BAZ1A: variants seen among roughly 807,000 people sequenced by gnomAD.
BAZ1A encodes the protein bromodomain adjacent to zinc finger domain 1A.
In BAZ1A, 50 loss-of-function variants were observed where a neutral mutation model predicts 185.2. The ratio of observed to expected loss-of-function variants is 0.27; its 90% CI spans 0.22 to 0.34. The LOEUF is 0.34. Among genes scored for constraint, BAZ1A ranks in the 10% least tolerant of loss-of-function variants. The pLI is 1.00. For missense variants in BAZ1A, 1,356 were observed against 1,839.9 expected, an observed-to-expected ratio of 0.74 and a Z score of 4.81; for synonymous variants, 571 against 615.6, an observed-to-expected ratio of 0.93 and a Z score of 1.07.
intron 3 of BAZ1A, among the ~76,000 whole-genome samples, chr14:34,849,361 G>C (rs1023113193): frequency 7.9e-5 from 12 of 152,178 alleles, no homozygotes; most frequent in African/African-American, 2.9e-4. Flanking sequence ...CCATTACTAA[G>C]TGAAAAAGCT....
chr14:34,788,105 G>A lies in BAZ1A; in HGVS notation c.1511-1884C>T, dbSNP rs192005972. ...GCAGTCTTGGCTCACTGCAACCTCC[G>A]CCTCCCAGGTTTAAGCAATTCTCTG... On this transcript the variant is annotated intron_variant, in intron 12 of 26. Coordinates refer to ENST00000360310, the MANE Select transcript of BAZ1A (RefSeq NM_013448.3). Among the ~76,000 whole-genome samples the A allele has an allele frequency of 4.9e-3, 736 of 151,282 alleles. 8 individuals are homozygous for A. Among genetic ancestry groups the A allele is most frequent in the African/African-American group, 0.017 (702 of 41,242 alleles).
At chr14:34,758,909 A>G in intron 24 of BAZ1A, 63 bp from the exon 25 acceptor site, 1 of 1,511,798 alleles carries the variant, frequency 6.6e-7, no homozygotes, top group Non-Finnish European at 9.1e-7. Flanking sequence ...ACTACACGCC[A>G]AACTGGATAT....
chr14:34,792,994 C>T (rs991787788), intron 11 of BAZ1A, 73 bp from the exon 12 acceptor site: 2 of 1,373,660 alleles, frequency 1.5e-6, no homozygotes, highest in South Asian at 2.7e-5. Flanking sequence ...CTGGAATAAA[C>T]ATGTAATCAA....
intron 2 of BAZ1A, among the ~76,000 whole-genome samples, chr14:34,873,094 G>C (rs1232110331): frequency 3.9e-5 from 6 of 152,088 alleles, no homozygotes; most frequent in African/African-American, 1.4e-4. Context: ...GATATAACAT[G>C]TTTAACGTGT....
Position 34,765,063 on chromosome 14 carries a change from A to G in BAZ1A, c.3507T>C (p.Cys1169=). Reference sequence around the variant, plus strand: ...CACAGTAGGTATGATGACCCCTATCACAGCCATCACAAAGAACCATGTTTT... The same window carrying G: ...CACAGTAGGTATGATGACCCCTATCGCAGCCATCACAAAGAACCATGTTTT... ...DAENMVLCDG[C]DRGHHTYCVR... is the part of the protein sequence containing the mutation. Residue 1169 remains cysteine (C), a synonymous_variant, in exon 22 of 27, where the codon TGT becomes TGC. Transcript: ENST00000360310. The G allele has an allele frequency of 1.2e-6, 2 of 1,614,204 alleles. No individual in the cohort carries two copies. The highest frequency in any genetic ancestry group is 2.7e-5 in the African/African-American group (2 of 75,064).
chr14:34,856,296 T>A, intron 3 of BAZ1A, among the ~76,000 whole-genome samples: 1 of 150,048 alleles, frequency 6.7e-6, no homozygotes. Flanking sequence ...CATCTTTTTT[T>A]TTTTTTTTTT....
intron 3 of BAZ1A, among the ~76,000 whole-genome samples, chr14:34,828,989 A>AC (rs113506434): frequency 5.3e-5 from 8 of 152,304 alleles, no homozygotes; most frequent in Admixed American, 2.0e-4. Context: ...TCTTGTAAAG[A>AC]CCATTTGCAC....
In BAZ1A at chr14:34,875,259, C is replaced by A. The variant is rs1594928114; in HGVS notation, c.-180G>T. 1 of 454,884 alleles carries A rather than the reference C, an allele frequency of 2.2e-6. No individual in the cohort carries two copies. The highest frequency in any genetic ancestry group is 4.4e-6 in the Non-Finnish European group (1 of 226,364). The allele number at this position is 454,884 out of a possible 1,614,324, so 28.2% of individuals were successfully genotyped here. The stretch of plus-strand genomic sequence containing the variant: ...GCCGCGCCCCTGGCTGCCGCTTCTC[C>A]CGCTGCCACTGCCCGACTCCGCGCG... On this transcript the variant is annotated 5_prime_UTR_variant, in exon 1 of 27. Transcript: ENST00000360310.
chr14:34,772,869 A>C (rs564608749), intron 20 of BAZ1A, among the ~76,000 whole-genome samples: 146 of 152,284 alleles, frequency 9.6e-4, no homozygotes, highest in African/African-American at 3.4e-3. Flanking sequence ...CTCTACTAAA[A>C]ATACAAAAAT....
chr14:34,866,868 A>T (rs1349984546), intron 2 of BAZ1A, among the ~76,000 whole-genome samples: 1 of 152,138 alleles, frequency 6.6e-6, no homozygotes, highest in Non-Finnish European at 1.5e-5. Flanking sequence ...TAAAAATTTT[A>T]AAATAAAAAT....
intron 3 of BAZ1A, among the ~76,000 whole-genome samples, chr14:34,840,451 C>T (rs2042395563): frequency 1.3e-5 from 2 of 152,058 alleles, no homozygotes. Context: ...TTATTATATG[C>T]ACAACTACCT....
At chr14:34,824,394 A>AAAAAAAAAAAC in intron 4 of BAZ1A, among the ~76,000 whole-genome samples, 1 of 120,674 alleles carries the variant, frequency 8.3e-6, no homozygotes, top group Non-Finnish European at 1.7e-5. Flanking sequence ...AAAAAAAAAA[A>AAAAAAAAAAAC]AAAAGCAGCA....
intron 9 of BAZ1A, among the ~76,000 whole-genome samples, chr14:34,799,811 C>T (rs138333119): frequency 2.2e-4 from 33 of 152,150 alleles, no homozygotes; most frequent in South Asian, 1.7e-3. Context: ...GGGGTTTCAC[C>T]GTCCTGGCCA....
chr14:34,779,058 A>G (rs1023646792), intron 17 of BAZ1A, among the ~76,000 whole-genome samples: 3 of 151,974 alleles, frequency 2.0e-5, no homozygotes, highest in Non-Finnish European at 4.4e-5. Context: ...GGGTTTCACC[A>G]AGGCTGATTT....
rs774948128 is a variant in BAZ1A at position 34,783,227 on chromosome 14, C to T, written c.2003G>A (p.Arg668His). 2 of 1,575,400 alleles carry T rather than the reference C, an allele frequency of 1.3e-6. No individual in the cohort carries two copies. The highest frequency in any genetic ancestry group is 1.1e-5 in the South Asian group (1 of 88,604). Reference protein sequence around the residue: ...KEREEAAARIRKRKEEKLKEQ... With the variant: ...KEREEAAARIHKRKEEKLKEQ... ...CTTAAGTTTTTCTTCCTTCCTTTTA[C>T]GAATTCTAAAAGTTAAAATGAAATA... Residue 668 changes from arginine (R) to histidine (H), a missense_variant, in exon 16 of 27, where the codon CGT becomes CAT. Physicochemically the swap from Arg to His is conservative, Grantham distance 29. Around this residue, in one of 7 missense-constraint regions of BAZ1A, gnomAD observed 434 missense variants for 561.7 expected, o/e 0.77. Transcript: ENST00000360310.
intron 4 of BAZ1A, among the ~76,000 whole-genome samples, chr14:34,815,131 A>G (rs2041987487): frequency 6.6e-6 from 1 of 152,180 alleles, no homozygotes. Flanking sequence ...ATATGTGCAA[A>G]CAATTATCTT....
Position 34,758,866 on chromosome 14 carries a change from A to G in BAZ1A, c.4244-20T>C. On this transcript the variant is annotated intron_variant, in intron 24 of 26. Transcript: ENST00000360310. Reference sequence around the variant, plus strand: ...ATGGCTCTGAGTAAATAATTACAACATTTTAGGTGATAACAAAGCAAAATA... The same window carrying G: ...ATGGCTCTGAGTAAATAATTACAACGTTTTAGGTGATAACAAAGCAAAATA... 6.2e-7 allele frequency: 1 copy of G among 1,609,646 alleles called. No individual in the cohort carries two copies. The highest frequency in any genetic ancestry group is 2.2e-5 in the East Asian group (1 of 44,836).
chr14:34,843,087 G>A (rs531872232), intron 3 of BAZ1A, among the ~76,000 whole-genome samples: 1 of 151,198 alleles, frequency 6.6e-6, no homozygotes, highest in South Asian at 2.1e-4. Context: ...TTCAAGAACA[G>A]TGACTATAAT....
At chr14:34,840,575 G>A (rs528113324) in intron 3 of BAZ1A, among the ~76,000 whole-genome samples, 2 of 152,098 alleles carry the variant, frequency 1.3e-5, no homozygotes, top group South Asian at 2.1e-4. Flanking sequence ...CCTGACCAGC[G>A]TGGTGAAATC....
Sources: allele counts gnomAD v4.1 joint callset (sites outside exome capture counted in the v4.1 genomes callset), GRCh38; gene constraint gnomAD v4.1.1; regional missense constraint gnomAD v4.1.1; transcripts MANE v1.5; gene names NCBI Gene and HGNC (gene_info 2026-07-23, HGNC 2026-07-21).